The following RDH11 variants were observed in gnomAD, a reference collection of about 807,000 sequenced individuals.
RDH11 encodes retinol dehydrogenase 11.
RDH11 carries 19 observed loss-of-function variants against 33.4 expected under a neutral mutation model. The observed-to-expected ratio is 0.57, with a 90% CI of 0.40 to 0.83. The LOEUF is 0.83. Ranked by LOEUF, RDH11 falls within the 40% of genes least tolerant of loss-of-function variation. RDH11 has a pLI of 0.00. For missense variants in RDH11, 353 were observed against 389.0 expected (o/e 0.91, Z 0.78); for synonymous variants, 154 against 155.3 (o/e 0.99, Z 0.06).
rs2140064894 is a variant in RDH11 at position 67,685,184 on chromosome 14, A to C, written c.685T>G (p.Ser229Ala). 1 of 1,613,118 alleles carries C rather than the reference A, an allele frequency of 6.2e-7. No homozygotes were observed. The change falls in exon 6 of 7, where the codon TCT becomes GCT. Residue 229 changes from serine to alanine, a missense_variant. Transcript: ENST00000381346. ...RLKGSGVTTY[S>A]VHPGTVQSEL... Reference sequence around the variant, plus strand: ...GATTGGACTGTGCCAGGGTGTACAGAATACGTCGTAACGCCAGAGCCTGGT... The same window carrying C: ...GATTGGACTGTGCCAGGGTGTACAGCATACGTCGTAACGCCAGAGCCTGGT...
At chr14:67,685,263 A>T in intron 5 of RDH11, 59 bp from the exon 6 acceptor site, 1 of 1,416,874 alleles carries the variant, frequency 7.1e-7, no homozygotes, top group Non-Finnish European at 9.7e-7. Context: ...AGAATAGCCC[A>T]AAACAGAAAA....
chr14:67,680,193 G>A (rs772325341), intron 6 of RDH11, among the ~76,000 whole-genome samples: 4 of 152,252 alleles, frequency 2.6e-5, no homozygotes, highest in African/African-American at 4.8e-5. Flanking sequence ...TCAAAATATC[G>A]TCACGTTTAC....
Position 67,692,540 on chromosome 14 carries a change from T to C in RDH11, c.247A>G (p.Lys83Glu). ...RDVEKGELVA[K>E]EIQTTTGNQQ... ...TTCCCTGTCGTGGTCTGGATCTCTTTGGCCACCAATTCCCCCTTTTCCACA... is the reference window on the plus strand; with the variant it reads ...TTCCCTGTCGTGGTCTGGATCTCTTCGGCCACCAATTCCCCCTTTTCCACA... Residue 83 changes from lysine (K) to glutamate (E), a missense_variant, in exon 3 of 7, where the codon AAA becomes GAA. By Grantham distance (56) the Lys-to-Glu change is moderately conservative (BLOSUM62 1). Transcript: ENST00000381346. 2 of 1,611,478 alleles carry C rather than the reference T, an allele frequency of 1.2e-6. No individual in the cohort carries two copies. Among genetic ancestry groups the C allele is most frequent in the Non-Finnish European group, 1.7e-6 (2 of 1,179,100 alleles).
At chr14:67,694,465 C>T (rs201890630) in intron 1 of RDH11, among the ~76,000 whole-genome samples, 141 of 103,156 alleles carry the variant, frequency 1.4e-3, no homozygotes, top group African/African-American at 3.4e-3. Context: ...CACACACACA[C>T]ATATATATAT....
chr14:67,695,737 C>T lies in RDH11; in HGVS notation c.-34G>A, dbSNP rs149470495. 2.5e-6 allele frequency: 4 copies of T among 1,604,636 alleles called. No individual in the cohort carries two copies. The highest frequency in any genetic ancestry group is 1.3e-5 in the African/African-American group (1 of 74,726). ...GCTGCAGCGGCACCAGAGCGGGATG[C>T]TCCAGCGTTGCTCGCCGACTATGGC... On this transcript the variant is annotated 5_prime_UTR_variant, in exon 1 of 7. Coordinates refer to ENST00000381346, the MANE Select transcript of RDH11 (RefSeq NM_016026.4).
chr14:67,692,962 C>A lies in RDH11; in HGVS notation c.165G>T (p.Lys55Asn). The part of the protein sequence containing the change: ...VVTGANTGIG[K>N]ETAKELAQRG... ...TCTGAGCCAGCTCTTTGGCTGTCTC[C>A]TTCCCGATACCTGTATTAGCTCCTG... is the stretch of plus-strand genomic sequence containing the variant. Residue 55 changes from lysine to asparagine, a missense_variant, in exon 2 of 7, where the codon AAG becomes AAT. Coordinates refer to ENST00000381346, the MANE Select transcript of RDH11 (RefSeq NM_016026.4). 2 of 1,613,952 alleles carry A rather than the reference C, an allele frequency of 1.2e-6. No homozygotes were observed. Among genetic ancestry groups the A allele is most frequent in the Non-Finnish European group, 1.7e-6 (2 of 1,179,880 alleles).
At position 67,692,947 on chromosome 14, in the gene RDH11, C is replaced by T. The variant is rs1160223065; in HGVS notation, c.180G>A (p.Glu60=). Reference sequence around the variant, plus strand: ...AGGTGAACTTGCCTCTCTGAGCCAGCTCTTTGGCTGTCTCCTTCCCGATAC... The same window carrying T: ...AGGTGAACTTGCCTCTCTGAGCCAGTTCTTTGGCTGTCTCCTTCCCGATAC... ...NTGIGKETAK[E]LAQRGARVYL... Residue 60 remains glutamate, a synonymous_variant, in exon 2 of 7, where the codon GAG becomes GAA. Transcript: ENST00000381346. 1 of 1,612,616 alleles carries T rather than the reference C, an allele frequency of 6.2e-7. No individual in the cohort carries two copies.
At position 67,678,275 on chromosome 14, in the gene RDH11, G is replaced by A. The variant is rs1303554656; in HGVS notation, c.*46C>T. Reference sequence around the variant, plus strand: ...GAGAATCATTTTGACAAGAAGTACTGTGTAGTCTGCTGCAGTCTTCTCTTG... The same window carrying A: ...GAGAATCATTTTGACAAGAAGTACTATGTAGTCTGCTGCAGTCTTCTCTTG... On this transcript the variant is annotated 3_prime_UTR_variant, in exon 7 of 7. Transcript: ENST00000381346. 2.5e-6 allele frequency: 3 copies of A among 1,181,612 alleles called. No homozygotes were observed. In the African/African-American group the frequency reaches 4.5e-5, roughly 18 times the overall value. 73.2% of individuals were successfully genotyped at this position (1,181,612 alleles called of 1,614,324 possible).
rs1397914251 is a variant in RDH11 at position 67,678,404 on chromosome 14, C to T, written c.874G>A (p.Val292Ile). Residue 292 changes from valine to isoleucine, a missense_variant, in exon 7 of 7, where the codon GTC becomes ATC. By Grantham distance (29) the Val-to-Ile change is conservative. Coordinates refer to ENST00000381346, the MANE Select transcript of RDH11 (RefSeq NM_016026.4). ...NHFSDCHVAW[V>I]SAQARNETIA... Reference sequence around the variant, plus strand: ...GTCTCATTACGAGCTTGGGCAGAGACCCATGCCACATGACAGTCACTGGAA... The same window carrying T: ...GTCTCATTACGAGCTTGGGCAGAGATCCATGCCACATGACAGTCACTGGAA... 2 of 1,613,400 alleles carry T rather than the reference C, an allele frequency of 1.2e-6. No individual in the cohort carries two copies. Among genetic ancestry groups the T allele is most frequent in the Non-Finnish European group, 1.7e-6 (2 of 1,179,578 alleles).
At chr14:67,678,521 C>T in intron 6 of RDH11, 98 bp from the exon 7 acceptor site, 1 of 705,804 alleles carries the variant, frequency 1.4e-6, no homozygotes. Context: ...CTAGGGATCA[C>T]ATGTTCTCCA....
At chr14:67,693,525 A>C (rs1180441899) in intron 1 of RDH11, among the ~76,000 whole-genome samples, 1 of 151,780 alleles carries the variant, frequency 6.6e-6, no homozygotes, top group Admixed American at 6.5e-5. Flanking sequence ...AAGAAAAAAA[A>C]AACACACCCA....
chr14:67,678,325 T>C lies in RDH11; in HGVS notation c.953A>G (p.Asp318Gly). 6.2e-7 allele frequency: 1 copy of C among 1,605,768 alleles called. No individual in the cohort carries two copies. Among genetic ancestry groups the C allele is most frequent in the Non-Finnish European group, 8.5e-7 (1 of 1,172,376 alleles). ...VSCDLLGLPID is the reference protein window; with the variant it reads ...VSCDLLGLPIG ...GGGTCCAACTGGCACTGCCTGTTAG[T>C]CTATTGGGAGGCCCAGCAGGTCACA... Residue 318 changes from aspartate to glycine, a missense_variant, in exon 7 of 7, where the codon GAC (aspartate) becomes GGC (glycine). Physicochemically the swap from Asp to Gly is moderately conservative, Grantham distance 94. Transcript: ENST00000381346.
At chr14:67,684,092 A>G (rs1177356165) in intron 6 of RDH11, among the ~76,000 whole-genome samples, 1 of 152,004 alleles carries the variant, frequency 6.6e-6, no homozygotes, top group African/African-American at 2.4e-5. Context: ...TCTCTCTCTC[A>G]CTAGGTTAAT....
intron 2 of RDH11, 143 bp downstream of exon 2, chr14:67,692,791 T>C: frequency 1.2e-6 from 1 of 869,348 alleles, no homozygotes; most frequent in Non-Finnish European, 1.8e-6. Context: ...TAGAGCATAG[T>C]ACTAGTTTCA....
At chr14:67,692,900 G>C in intron 2 of RDH11, 34 bp downstream of exon 2, 1 of 1,375,196 alleles carries the variant, frequency 7.3e-7, no homozygotes, top group Non-Finnish European at 1.0e-6. Flanking sequence ...TAAAACAGCA[G>C]TAATAGGAGG....
At chr14:67,680,419 A>G (rs2037600112) in intron 6 of RDH11, among the ~76,000 whole-genome samples, 1 of 152,202 alleles carries the variant, frequency 6.6e-6, no homozygotes, top group Admixed American at 6.5e-5. Flanking sequence ...AGTTGACATG[A>G]AGGTTCCTTG....
intron 6 of RDH11, among the ~76,000 whole-genome samples, chr14:67,679,811 TTCAG>T (rs2037590745): frequency 6.6e-6 from 1 of 152,208 alleles, no homozygotes; most frequent in Admixed American, 6.5e-5. Flanking sequence ...CTGGTAAGCA[TTCAG>T]TCAAAGTTTT....
chr14:67,693,589 G>A (rs937739845), intron 1 of RDH11, among the ~76,000 whole-genome samples: 2 of 150,870 alleles, frequency 1.3e-5, no homozygotes, highest in African/African-American at 4.9e-5. Flanking sequence ...TGTACAAAGG[G>A]GAGCTGGGAT....
At chr14:67,693,517 GA>G (rs74415536) in intron 1 of RDH11, among the ~76,000 whole-genome samples, 19,890 of 145,896 alleles carry the variant, frequency 0.14, 1,344 homozygotes, top group East Asian at 0.22. Flanking sequence ...AAATAAACAA[GA>G]AAAAAAAAAC....
Sources: allele counts gnomAD v4.1 joint callset (sites outside exome capture counted in the v4.1 genomes callset), GRCh38; gene constraint gnomAD v4.1.1; transcripts MANE v1.5; gene names NCBI Gene and HGNC (gene_info 2026-07-23, HGNC 2026-07-21).